PCDH7: variants seen among roughly 807,000 people sequenced by gnomAD.
The protein encoded by PCDH7 is protocadherin 7.
Under a neutral mutation model 58.9 loss-of-function variants are expected in PCDH7, and 17 were observed. That is an observed-to-expected ratio of 0.29 (90% CI 0.20 to 0.43). The LOEUF (loss-of-function observed/expected upper bound fraction) is 0.43. Ranked by LOEUF, PCDH7 falls within the 20% of genes least tolerant of loss-of-function variation. The probability of loss-of-function intolerance (pLI) is 1.00; values close to 1 mark genes in which losing one functional copy is unlikely to be tolerated. For synonymous variants in PCDH7, 664 were observed against 616.4 expected, an observed-to-expected ratio of 1.08 and a Z score of -1.14; for missense variants, 1,274 against 1,441.0, an observed-to-expected ratio of 0.88 and a Z score of 1.88.
chr4:30,782,812 T>C (rs1242980707), intron 1 of PCDH7, among the ~76,000 whole-genome samples: 1 of 152,198 alleles, frequency 6.6e-6, no homozygotes, highest in African/African-American at 2.4e-5. Context: ...TGTGTGGCAC[T>C]GTGTCTTCAA....
rs151245639 is a variant in PCDH7, at chr4:30,949,107, A to G, written c.288-1013A>G. On this transcript the variant is annotated intron_variant, in intron 2 of 3. Transcript: ENST00000509759. ...TTGTGTATCTAATACACTAAGAAAC[A>G]TATTTGTGTATGAAGTCACACACAG... 6.1e-3 allele frequency among the ~76,000 whole-genome samples: 936 copies of G among 152,244 alleles called. 7 individuals carry two copies. Among genetic ancestry groups the G allele is most frequent in the Middle Eastern group, 0.01 (3 of 294 alleles).
At chr4:30,786,595 C>T (rs1723431116) in intron 1 of PCDH7, 1 of 165,418 alleles carries the variant, frequency 6.0e-6, no homozygotes, top group Admixed American at 6.5e-5. Context: ...GAGGTTATGG[C>T]TACTGCAAAT....
intron 3 of PCDH7, among the ~76,000 whole-genome samples, chr4:31,133,110 G>A (rs1439897564): frequency 6.6e-6 from 1 of 152,124 alleles, no homozygotes; most frequent in African/African-American, 2.4e-5. Context: ...TCTGCTTGTT[G>A]AGGACAGGTG....
At position 31,069,123 on chromosome 4, in the gene PCDH7, A is replaced by G. The variant is rs1194124893; in HGVS notation, c.*8-73350A>G. Among the ~76,000 whole-genome samples the G allele has an allele frequency of 2.6e-5, 4 of 152,116 alleles. No homozygotes were observed. In the East Asian group the frequency reaches 7.7e-4, roughly 29 times the overall value. On this transcript the variant is annotated intron_variant, in intron 3 of 3. Coordinates refer to the PCDH7 transcript ENST00000509759. ...TAAATGCCAAACTGATAGACTAAGA[A>G]TACCTTTAAAACGCATTATAGTTTC...
At chr4:30,980,585 A>C (rs1750463462) in intron 3 of PCDH7, among the ~76,000 whole-genome samples, 1 of 152,324 alleles carries the variant, frequency 6.6e-6, no homozygotes, top group African/African-American at 2.4e-5. Context: ...CAAGAGAAGA[A>C]AACACAAGGC....
intron 1 of PCDH7, among the ~76,000 whole-genome samples, chr4:30,765,332 T>G (rs900466310): frequency 6.6e-6 from 1 of 152,034 alleles, no homozygotes; most frequent in Non-Finnish European, 1.5e-5. Flanking sequence ...TCTGGTGACT[T>G]TATGCATAAT....
At position 30,894,543 on chromosome 4, in the gene PCDH7, A is replaced by G. The variant is rs1328343581; in HGVS notation, c.71-25610A>G. The stretch of plus-strand genomic sequence containing the variant: ...CACACACACACACACACACACACAC[A>G]CACACACACACACACATATATACAT... On this transcript the variant is annotated intron_variant, in intron 1 of 3. Coordinates refer to the PCDH7 transcript ENST00000509759. 1.1e-3 allele frequency among the ~76,000 whole-genome samples: 131 copies of G among 118,938 alleles called. 1 individual carries two copies. The highest frequency in any genetic ancestry group is 3.9e-3 in the African/African-American group (119 of 30,694). 78.0% of individuals were successfully genotyped at this position (118,938 alleles called of 152,430 possible). A position where few individuals can be genotyped will look rare whatever the true frequency, so the allele number is the denominator to read the frequency against.
At chr4:30,966,971 T>A (rs964554123) in intron 3 of PCDH7, among the ~76,000 whole-genome samples, 1 of 152,152 alleles carries the variant, frequency 6.6e-6, no homozygotes, top group Admixed American at 6.5e-5. Context: ...AGTTTCCTTA[T>A]TGCAAAATTG....
intron 1 of PCDH7, among the ~76,000 whole-genome samples, chr4:30,902,544 A>G (rs1465835958): frequency 6.6e-6 from 1 of 152,166 alleles, no homozygotes; most frequent in Non-Finnish European, 1.5e-5. Context: ...ACACTGGTGA[A>G]TCAAACATTT....
At chr4:30,932,557 A>C (rs544025948) in intron 2 of PCDH7, among the ~76,000 whole-genome samples, 1 of 152,130 alleles carries the variant, frequency 6.6e-6, no homozygotes, top group South Asian at 2.1e-4. Flanking sequence ...AAAAAATGCA[A>C]CTCCCATTTA....
chr4:30,763,073 T>C (rs1720236770), intron 1 of PCDH7, among the ~76,000 whole-genome samples: 1 of 152,080 alleles, frequency 6.6e-6, no homozygotes, highest in Non-Finnish European at 1.5e-5. Flanking sequence ...TGAAACCCCG[T>C]CTCTACTAAA....
intron 1 of PCDH7, among the ~76,000 whole-genome samples, chr4:30,889,896 T>C (rs1262550216): frequency 2.0e-5 from 3 of 152,202 alleles, no homozygotes; most frequent in Non-Finnish European, 4.4e-5. Flanking sequence ...ATACTGGGCA[T>C]TGCAGAGACA....
At chr4:31,042,914 T>G (rs544750126) in intron 3 of PCDH7, among the ~76,000 whole-genome samples, 1 of 152,220 alleles carries the variant, frequency 6.6e-6, no homozygotes, top group South Asian at 2.1e-4. Context: ...AGGGGCTACA[T>G]CTGGTGAGGG....
At chr4:31,007,466 A>G (rs544613756) in intron 3 of PCDH7, among the ~76,000 whole-genome samples, 17 of 152,322 alleles carry the variant, frequency 1.1e-4, no homozygotes, top group Middle Eastern at 3.4e-3. Flanking sequence ...CTGTCCTAGC[A>G]TAAAAGAATA....
intron 2 of PCDH7, among the ~76,000 whole-genome samples, chr4:30,948,887 T>C (rs1747028227): frequency 6.6e-6 from 1 of 152,128 alleles, no homozygotes; most frequent in South Asian, 2.1e-4. Flanking sequence ...ACTGGGAAAT[T>C]TGGAGACACC....
intron 1 of PCDH7, among the ~76,000 whole-genome samples, chr4:30,861,405 T>A (rs545717346): frequency 7.0e-6 from 1 of 142,842 alleles, no homozygotes; most frequent in East Asian, 2.0e-4. Context: ...CTGCATGTTA[T>A]AGTAACCACA....
At chr4:30,815,223 GT>G in intron 1 of PCDH7, among the ~76,000 whole-genome samples, 1 of 152,036 alleles carries the variant, frequency 6.6e-6, no homozygotes, top group East Asian at 2.0e-4. Flanking sequence ...ACTGTTGCTA[GT>G]GGTGAATCCA....
At chr4:30,967,575 C>T (rs1358004786) in intron 3 of PCDH7, among the ~76,000 whole-genome samples, 2 of 152,126 alleles carry the variant, frequency 1.3e-5, no homozygotes, top group East Asian at 3.8e-4. Flanking sequence ...ATCACTGGAT[C>T]TTATTAGGAA....
At chr4:31,071,581 T>C (rs1758548966) in intron 3 of PCDH7, among the ~76,000 whole-genome samples, 4 of 152,072 alleles carry the variant, frequency 2.6e-5, no homozygotes, top group Admixed American at 2.6e-4. Flanking sequence ...CTGTTTGCTT[T>C]TGATGTTTGG....
Sources: gnomAD v4.1 joint callset for allele counts (sites outside exome capture counted in the v4.1 genomes callset) on GRCh38, gnomAD v4.1.1 for gene constraint, MANE v1.5 for transcripts, NCBI Gene and HGNC (gene_info 2026-07-23, HGNC 2026-07-21) for gene names.